The following MED11 variants were observed in gnomAD, a reference collection of about 807,000 sequenced individuals.
The protein encoded by MED11 is mediator of RNA polymerase II transcription subunit 11.
In MED11, 19 loss-of-function variants were observed where a neutral mutation model predicts 13.9. The ratio of observed to expected loss-of-function variants is 1.36; its 90% CI spans 0.95 to 2.00. The LOEUF (loss-of-function observed/expected upper bound fraction) is 2.00. Among genes scored for constraint, MED11 ranks in the 30% most tolerant of loss-of-function variants. MED11 has a pLI of 0.00. For synonymous variants in MED11, 67 were observed against 62.1 expected (o/e 1.08, Z -0.37); for missense variants, 134 against 150.2 (o/e 0.89, Z 0.56).
At position 4,731,778 on chromosome 17, in the gene MED11, A is replaced by C; in HGVS notation, c.88A>C (p.Thr30Pro). ...EIGAILQNAG[T>P]VILELSKEKT... ...CCGCCCTCTCTCCGCCCTGGCAGGT[A>C]CTGTGATCCTAGAATTGTCCAAGGA... Residue 30 changes from threonine (T) to proline (P), a missense_variant and splice_region_variant, in exon 2 of 3, where the codon ACT becomes CCT. Coordinates refer to ENST00000293777, the MANE Select transcript of MED11 (RefSeq NM_001001683.4). 1 of 1,613,968 alleles carries C rather than the reference A, an allele frequency of 6.2e-7. No individual in the cohort carries two copies. Among genetic ancestry groups the C allele is most frequent in the Non-Finnish European group, 8.5e-7 (1 of 1,179,928 alleles).
Position 4,731,505 on chromosome 17 carries a change from C to A in MED11, c.16C>A (p.Leu6Met). Residue 6 changes from leucine to methionine, a missense_variant, in exon 1 of 3, where the codon CTG becomes ATG. Physicochemically the swap from Leu to Met is conservative, Grantham distance 15 (BLOSUM62 2). Transcript: ENST00000293777. ...CAGAGTGATAATGGCTACCTACAGC[C>A]TGGCGAACGAGAGACTACGCGCTCT... MATYS[L>M]ANERLRALED... 1.2e-6 allele frequency: 2 copies of A among 1,614,138 alleles called. No homozygotes were observed. Among genetic ancestry groups the A allele is most frequent in the Non-Finnish European group, 1.7e-6 (2 of 1,180,012 alleles).
chr17:4,731,717 C>G, intron 1 of MED11, 59 bp from the exon 2 acceptor site: 1 of 1,607,502 alleles, frequency 6.2e-7, no homozygotes, highest in Non-Finnish European at 8.5e-7. Context: ...AGGGGCTGGC[C>G]TAGGGAGAGG....
In MED11 at chr17:4,731,497, C is replaced by G. The variant is rs551014463; in HGVS notation, c.8C>G (p.Thr3Ser). MATYSLANERLRA... is the reference protein window; with the variant it reads MASYSLANERLRA... ...AGAATTCCCAGAGTGATAATGGCTACCTACAGCCTGGCGAACGAGAGACTA... is the reference window on the plus strand; with the variant it reads ...AGAATTCCCAGAGTGATAATGGCTAGCTACAGCCTGGCGAACGAGAGACTA... The change falls in exon 1 of 3, where the codon ACC becomes AGC. Residue 3 changes from threonine to serine, a missense_variant. By Grantham distance (58) the Thr-to-Ser change is moderately conservative. Transcript: ENST00000293777. 6.2e-7 allele frequency: 1 copy of G among 1,613,804 alleles called. No homozygotes were observed. Among genetic ancestry groups the G allele is most frequent in the Non-Finnish European group, 8.5e-7 (1 of 1,179,986 alleles).
intron 2 of MED11, 64 bp from the exon 3 acceptor site, chr17:4,732,986 G>A (rs773275792): frequency 6.4e-7 from 1 of 1,567,796 alleles, no homozygotes; most frequent in Non-Finnish European, 8.7e-7. Context: ...AATGAGACGA[G>A]ACCTGATGCC....
chr17:4,732,404 C>G (rs1256919253), intron 2 of MED11: 1 of 77,846 alleles, frequency 1.3e-5, no homozygotes, highest in Admixed American at 1.8e-4. Context: ...GCCTGGGTGA[C>G]AAAGCAAGAC....
chr17:4,733,534 T>C lies in MED11; in HGVS notation c.*347T>C, dbSNP rs1248039092. On this transcript the variant is annotated 3_prime_UTR_variant, in exon 3 of 3. Coordinates refer to ENST00000293777, the MANE Select transcript of MED11 (RefSeq NM_001001683.4). ...CTAATGAAAATACATACTTCTTCAT[T>C]CGGAGAGACAAAACAAGAACTAGAG... 1 of 206,974 alleles carries C rather than the reference T, an allele frequency of 4.8e-6. No homozygotes were observed. Among genetic ancestry groups the C allele is most frequent in the African/African-American group, 2.3e-5 (1 of 43,272 alleles). 12.8% of individuals were successfully genotyped at this position (206,974 alleles called of 1,614,324 possible).
In MED11 at chr17:4,733,052, G is replaced by A. The variant is rs1219715543; in HGVS notation, c.219G>A (p.Val73=). ...TCCATTGATAGTCTGTCTTGTAGGTGGCCACAGGGCAGCCCCATGAGGGCT... is the reference window on the plus strand; with the variant it reads ...TCCATTGATAGTCTGTCTTGTAGGTAGCCACAGGGCAGCCCCATGAGGGCT... The part of the protein sequence containing the change: ...LSAQIRYLTQ[V]ATGQPHEGSS... The change falls in exon 3 of 3, where the codon GTG becomes GTA. Residue 73 remains valine (V), a splice_region_variant and synonymous_variant. Transcript: ENST00000293777. 9.9e-6 allele frequency: 16 copies of A among 1,614,002 alleles called. No individual in the cohort carries two copies. Among genetic ancestry groups the A allele is most frequent in the Admixed American group, 1.7e-5 (1 of 59,994 alleles).
chr17:4,733,255 A>G lies in MED11; in HGVS notation c.*68A>G. On this transcript the variant is annotated 3_prime_UTR_variant, in exon 3 of 3. Coordinates refer to ENST00000293777, the MANE Select transcript of MED11 (RefSeq NM_001001683.4). Reference sequence around the variant, plus strand: ...GTGCCATGGGACAGAACCTGGGAACATGTAGGGTGGGGAGTATGAGCACCA... The same window carrying G: ...GTGCCATGGGACAGAACCTGGGAACGTGTAGGGTGGGGAGTATGAGCACCA... The G allele has an allele frequency of 1.9e-6, 3 of 1,592,322 alleles. No individual in the cohort carries two copies. The highest frequency in any genetic ancestry group is 2.3e-5 in the South Asian group (2 of 88,826).
chr17:4,731,662 G>T (rs1915980600), intron 1 of MED11, 88 bp downstream of exon 1: 1 of 1,608,710 alleles, frequency 6.2e-7, no homozygotes, highest in Admixed American at 1.7e-5. Context: ...AGCAGGGTTG[G>T]GGAGGGAATC....
intron 2 of MED11, 34 bp from the exon 3 acceptor site, chr17:4,733,016 G>T (rs1424802935): frequency 6.2e-7 from 1 of 1,610,546 alleles, no homozygotes; most frequent in Admixed American, 1.7e-5. Flanking sequence ...TTAGGGTAAA[G>T]GAGATGGTGC....
chr17:4,732,955 CAA>C (rs1916031160), intron 2 of MED11, 93 bp from the exon 3 acceptor site: 1 of 1,454,670 alleles, frequency 6.9e-7, no homozygotes, highest in Non-Finnish European at 9.3e-7. Flanking sequence ...GATGGCCTAA[CAA>C]ATTCAAACTC....
chr17:4,732,974 G>A, intron 2 of MED11, 76 bp from the exon 3 acceptor site: 1 of 1,524,818 alleles, frequency 6.6e-7, no homozygotes, highest in East Asian at 2.3e-5. Flanking sequence ...ACTCAGGGAA[G>A]AAATGAGACG....
Position 4,731,500 on chromosome 17 carries a change from A to C in MED11, c.11A>C (p.Tyr4Ser), listed in dbSNP as rs996409137. ...ATTCCCAGAGTGATAATGGCTACCTACAGCCTGGCGAACGAGAGACTACGC... is the reference window on the plus strand; with the variant it reads ...ATTCCCAGAGTGATAATGGCTACCTCCAGCCTGGCGAACGAGAGACTACGC... Reference protein sequence around the residue: MATYSLANERLRAL... With the variant: MATSSLANERLRAL... The change falls in exon 1 of 3, where the codon TAC (tyrosine) becomes TCC (serine). Residue 4 changes from tyrosine to serine, a missense_variant. By Grantham distance (144) the Tyr-to-Ser change is moderately radical (BLOSUM62 -2). Transcript: ENST00000293777. 7 of 1,614,068 alleles carry C rather than the reference A, an allele frequency of 4.3e-6. No homozygotes were observed. The African/African-American group carries it at 8.0e-5, about 18-fold the overall frequency.
chr17:4,731,724 G>T, intron 1 of MED11, 52 bp from the exon 2 acceptor site: 1 of 1,607,704 alleles, frequency 6.2e-7, no homozygotes, highest in Non-Finnish European at 8.5e-7. Context: ...GGCCTAGGGA[G>T]AGGCTACACT....
At position 4,731,920 on chromosome 17, in the gene MED11, G is replaced by C; in HGVS notation, c.216+14G>C. 1.2e-6 allele frequency: 2 copies of C among 1,609,546 alleles called. No individual in the cohort carries two copies. Among genetic ancestry groups the C allele is most frequent in the Non-Finnish European group, 1.7e-6 (2 of 1,177,066 alleles). The stretch of plus-strand genomic sequence containing the variant: ...TACCTCACCCAGGTCGGTGTGTCTG[G>C]GGGGTTCTGCGAGCGAACCCCAGCT... On this transcript the variant is annotated intron_variant, in intron 2 of 2. Coordinates refer to ENST00000293777, the MANE Select transcript of MED11 (RefSeq NM_001001683.4).
At position 4,731,841 on chromosome 17, in the gene MED11, G is replaced by A. The variant is rs1426561227; in HGVS notation, c.151G>A (p.Ala51Thr). The A allele has an allele frequency of 6.2e-7, 1 of 1,614,074 alleles. No individual in the cohort carries two copies. The highest frequency in any genetic ancestry group is 1.1e-5 in the South Asian group (1 of 91,082). Residue 51 changes from alanine (A) to threonine (T), a missense_variant, in exon 2 of 3, where the codon GCC (alanine) becomes ACC (threonine). Physicochemically the swap from Ala to Thr is moderately conservative, Grantham distance 58. Transcript: ENST00000293777. Reference sequence around the variant, plus strand: ...GCGGCTCCTAGACCGGCAGGCGGCGGCCTTCACCGCTTCAGTGCAACACGT... The same window carrying A: ...GCGGCTCCTAGACCGGCAGGCGGCGACCTTCACCGCTTCAGTGCAACACGT... ...NERLLDRQAA[A>T]FTASVQHVEA...
At chr17:4,732,620 T>C (rs1009547255) in intron 2 of MED11, among the ~76,000 whole-genome samples, 5 of 151,850 alleles carry the variant, frequency 3.3e-5, no homozygotes, top group African/African-American at 1.2e-4. Context: ...GAATTAAAGG[T>C]GGCCCTGCAT....
chr17:4,731,466 T>C lies in MED11; in HGVS notation c.-24T>C, dbSNP rs1915970854. On this transcript the variant is annotated 5_prime_UTR_variant, in exon 1 of 3. Transcript: ENST00000293777. Reference sequence around the variant, plus strand: ...GCGTCGCGTTTCTGAGGAGAAACTCTTGGTGAGAATTCCCAGAGTGATAAT... The same window carrying C: ...GCGTCGCGTTTCTGAGGAGAAACTCCTGGTGAGAATTCCCAGAGTGATAAT... The C allele has an allele frequency of 5.0e-6, 8 of 1,611,582 alleles. No homozygotes were observed. Among genetic ancestry groups the C allele is most frequent in the Non-Finnish European group, 5.9e-6 (7 of 1,178,368 alleles).
chr17:4,731,729 T>A, intron 1 of MED11, 47 bp from the exon 2 acceptor site: 1 of 1,608,656 alleles, frequency 6.2e-7, no homozygotes, highest in Middle Eastern at 1.7e-4. Flanking sequence ...AGGGAGAGGC[T>A]ACACTGGCAG....
Sources: gnomAD v4.1 joint callset for allele counts (sites outside exome capture counted in the v4.1 genomes callset) on GRCh38, gnomAD v4.1.1 for gene constraint, MANE v1.5 for transcripts, NCBI Gene and HGNC (gene_info 2026-07-23, HGNC 2026-07-21) for gene names.